The following PPP1R9A variants were observed in gnomAD, a reference collection of about 807,000 sequenced individuals.
PPP1R9A encodes protein phosphatase 1 regulatory subunit 9A, also known as neurabin-1.
In PPP1R9A, 59 loss-of-function variants were observed where a neutral mutation model predicts 141.9. The observed-to-expected ratio is 0.42, with a 90% CI of 0.34 to 0.52. PPP1R9A has a LOEUF of 0.52. Ranked by LOEUF, PPP1R9A falls within the 20% of genes least tolerant of loss-of-function variation. PPP1R9A has a pLI of 0.10. For synonymous variants in PPP1R9A, 500 were observed against 569.7 expected (o/e 0.88, Z 1.74); for missense variants, 1,444 against 1,611.9 (o/e 0.90, Z 1.78).
intron 5 of PPP1R9A, among the ~76,000 whole-genome samples, chr7:95,192,279 C>T (rs1199472288): frequency 6.6e-6 from 1 of 151,876 alleles, no homozygotes; most frequent in Non-Finnish European, 1.5e-5. Context: ...GATATTGTAA[C>T]AGTGTGCGTT....
chr7:95,124,031 A>C (rs1159187307), intron 4 of PPP1R9A, among the ~76,000 whole-genome samples: 2 of 152,206 alleles, frequency 1.3e-5, no homozygotes, highest in Non-Finnish European at 2.9e-5. Context: ...CTTGTCTATT[A>C]ATAAGAAAAT....
chr7:95,269,342 G>A lies in PPP1R9A; in HGVS notation c.2959G>A (p.Asp987Asn). The A allele has an allele frequency of 6.3e-7, 1 of 1,598,500 alleles. No homozygotes were observed. Among genetic ancestry groups the A allele is most frequent in the African/African-American group, 1.3e-5 (1 of 74,948 alleles). Residue 987 changes from aspartate (D) to asparagine (N), a missense_variant, in exon 14 of 20, where the codon GAC (aspartate) becomes AAC (asparagine). Physicochemically the swap from Asp to Asn is conservative, Grantham distance 23. This residue lies in a region of PPP1R9A where 459 missense variants were observed against 513.8 expected (regional missense o/e 0.89). Coordinates refer to ENST00000433360, the MANE Select transcript of PPP1R9A (RefSeq NM_001166160.2). The stretch of plus-strand genomic sequence containing the variant: ...GGATAGCAATGTGCCCTTCTCGTCT[G>A]ACCACATAGCTGAATTTCAAGAAGA... Reference protein sequence around the residue: ...PVDSNVPFSSDHIAEFQEEPL... With the variant: ...PVDSNVPFSSNHIAEFQEEPL...
At chr7:95,138,960 G>A (rs10953137) in intron 4 of PPP1R9A, among the ~76,000 whole-genome samples, 92,948 of 152,020 alleles carry the variant, frequency 0.61, 29,293 homozygotes, top group African/African-American at 0.77. Flanking sequence ...AAAGTTAAAT[G>A]TACACTTAAC....
chr7:94,979,147 G>T (rs758936291), intron 2 of PPP1R9A, among the ~76,000 whole-genome samples: 4 of 152,134 alleles, frequency 2.6e-5, no homozygotes, highest in Non-Finnish European at 5.9e-5. Context: ...TCAAGTTTAT[G>T]GTGCTTTCTG....
intron 7 of PPP1R9A, among the ~76,000 whole-genome samples, chr7:95,213,161 T>A (rs2152919441): frequency 6.6e-6 from 1 of 152,080 alleles, no homozygotes; most frequent in South Asian, 2.1e-4. Context: ...CAGCAGCCTA[T>A]GTTTCAGATT....
intron 2 of PPP1R9A, among the ~76,000 whole-genome samples, chr7:95,006,564 T>G (rs1012549317): frequency 2.0e-5 from 3 of 152,120 alleles, no homozygotes; most frequent in African/African-American, 7.2e-5. Context: ...AGGCCTTTGA[T>G]TTTTTGAAAG....
At chr7:95,145,332 G>A (rs1210863471) in intron 4 of PPP1R9A, among the ~76,000 whole-genome samples, 1 of 152,112 alleles carries the variant, frequency 6.6e-6, no homozygotes, top group African/African-American at 2.4e-5. Context: ...ATTGTTAGTG[G>A]TGAAGACCAA....
chr7:95,025,644 C>T (rs1246693057), intron 2 of PPP1R9A, among the ~76,000 whole-genome samples: 1 of 152,092 alleles, frequency 6.6e-6, no homozygotes, highest in African/African-American at 2.4e-5. Flanking sequence ...GCAAGTTCTC[C>T]TGGATAAAAT....
chr7:95,214,341 C>T (rs1202968482), intron 7 of PPP1R9A: 1 of 152,132 alleles, frequency 6.6e-6, no homozygotes, highest in Non-Finnish European at 1.5e-5. Context: ...CTGAGAAGAC[C>T]CACTTCCAGG....
chr7:95,233,300 A>G (rs1465446815), intron 8 of PPP1R9A, among the ~76,000 whole-genome samples: 2 of 151,978 alleles, frequency 1.3e-5, no homozygotes, highest in South Asian at 2.1e-4. Context: ...GTTCTCACTC[A>G]TAAGTGGGAG....
intron 9 of PPP1R9A, among the ~76,000 whole-genome samples, chr7:95,248,688 C>A (rs1271728333): frequency 2.0e-5 from 3 of 152,018 alleles, no homozygotes; most frequent in African/African-American, 4.8e-5. Flanking sequence ...AGACTATAGA[C>A]ATTTAACTTA....
At chr7:95,176,451 A>G (rs1420124612) in intron 5 of PPP1R9A, 1 of 152,510 alleles carries the variant, frequency 6.6e-6, no homozygotes, top group Non-Finnish European at 1.5e-5. Flanking sequence ...AGGCTGTTTA[A>G]CACCGCCCCT....
intron 16 of PPP1R9A, among the ~76,000 whole-genome samples, chr7:95,278,602 A>G (rs534452871): frequency 2.1e-4 from 32 of 152,192 alleles, no homozygotes; most frequent in African/African-American, 7.0e-4. Context: ...TTTCTTATTT[A>G]TATTCTACTC....
intron 8 of PPP1R9A, among the ~76,000 whole-genome samples, chr7:95,246,421 T>G (rs1209659046): frequency 6.6e-6 from 1 of 152,186 alleles, no homozygotes; most frequent in Admixed American, 6.5e-5. Context: ...CCAGTCTTTT[T>G]TGTAATTTTG....
intron 12 of PPP1R9A, 128 bp downstream of exon 12, chr7:95,252,258 T>C: frequency 9.4e-7 from 1 of 1,059,966 alleles, no homozygotes; most frequent in African/African-American, 1.6e-5. Context: ...AGAAAAGGCT[T>C]ATCAAAATAG....
intron 2 of PPP1R9A, among the ~76,000 whole-genome samples, chr7:94,987,577 C>A (rs964772821): frequency 6.6e-6 from 1 of 152,046 alleles, no homozygotes; most frequent in South Asian, 2.1e-4. Context: ...CAGTCACATA[C>A]CCTTACCCTA....
At chr7:95,167,349 A>C (rs1831421958) in intron 5 of PPP1R9A, among the ~76,000 whole-genome samples, 1 of 152,182 alleles carries the variant, frequency 6.6e-6, no homozygotes, top group Non-Finnish European at 1.5e-5. Context: ...GGGCGTAACA[A>C]TTGAAGATGA....
At chr7:94,916,798 C>CT (rs1203470319) in intron 2 of PPP1R9A, among the ~76,000 whole-genome samples, 6 of 151,122 alleles carry the variant, frequency 4.0e-5, no homozygotes, top group South Asian at 2.1e-4. Context: ...GATGGTACAA[C>CT]TTTTTTTTTG....
chr7:95,091,586 T>C (rs978341455), intron 2 of PPP1R9A, among the ~76,000 whole-genome samples: 1 of 151,820 alleles, frequency 6.6e-6, no homozygotes, highest in Non-Finnish European at 1.5e-5. Context: ...TCAAGTGATC[T>C]GCCCGTCTTG....
Sources: allele counts gnomAD v4.1 joint callset (sites outside exome capture counted in the v4.1 genomes callset), GRCh38; gene constraint gnomAD v4.1.1; regional missense constraint gnomAD v4.1.1; transcripts MANE v1.5; gene names NCBI Gene and HGNC (gene_info 2026-07-23, HGNC 2026-07-21).